The following LRP1B variants were observed in gnomAD, a reference collection of about 807,000 sequenced individuals.
LRP1B encodes low-density lipoprotein receptor-related protein 1B.
A neutral mutation model predicts 556.6 loss-of-function variants in LRP1B; 217 were observed. The observed-to-expected ratio is 0.39, with a 90% confidence interval of 0.35 to 0.44. LRP1B has a LOEUF of 0.44. Ranked by LOEUF, LRP1B falls within the 20% of genes least tolerant of loss-of-function variation. LRP1B has a pLI of 1.00. For missense variants in LRP1B, 5,053 were observed against 5,620.8 expected, an observed-to-expected ratio of 0.90 and a Z score of 3.23; for synonymous variants, 2,047 against 1,865.8, an observed-to-expected ratio of 1.10 and a Z score of -2.50.
Position 140,639,077 on chromosome 2 carries a change from T to G in LRP1B, c.6800-37438A>C, listed in dbSNP as rs79829527. Among the ~76,000 whole-genome samples, 1,309 of 152,234 alleles carry G rather than the reference T, an allele frequency of 8.6e-3. 18 individuals carry two copies. The highest frequency in any genetic ancestry group is 0.029 in the African/African-American group (1,216 of 41,528). ...ATGTCATAAACTCTTTGAAGCGATA[T>G]ATTCTTGAGAGGCATTTTGGTTACA... On this transcript the variant is annotated intron_variant, in intron 41 of 90. Coordinates refer to ENST00000389484, the MANE Select transcript of LRP1B (RefSeq NM_018557.3).
At chr2:141,723,068 T>C (rs1232696557) in intron 2 of LRP1B, among the ~76,000 whole-genome samples, 3 of 150,908 alleles carry the variant, frequency 2.0e-5, no homozygotes, top group Non-Finnish European at 4.5e-5. Context: ...TGTCACAGTA[T>C]TGGTCAGAGA....
intron 17 of LRP1B, among the ~76,000 whole-genome samples, chr2:140,988,182 G>A (rs550579451): frequency 6.6e-6 from 1 of 152,150 alleles, no homozygotes; most frequent in East Asian, 1.9e-4. Context: ...TTTTACCAAT[G>A]ATGTTAAGTT....
chr2:140,509,817 C>A (rs1689575755), intron 52 of LRP1B, 111 bp downstream of exon 52: 1 of 1,453,988 alleles, frequency 6.9e-7, no homozygotes, highest in African/African-American at 1.4e-5. Flanking sequence ...CCTATGGGCC[C>A]AGGAACTAGG....
intron 2 of LRP1B, among the ~76,000 whole-genome samples, chr2:141,650,696 A>G (rs1191362558): frequency 6.6e-6 from 1 of 152,224 alleles, no homozygotes; most frequent in African/African-American, 2.4e-5. Context: ...TGAAGAATAC[A>G]ATGAAGTTGT....
At chr2:140,544,643 G>A (rs1042486447) in intron 43 of LRP1B, among the ~76,000 whole-genome samples, 5 of 152,048 alleles carry the variant, frequency 3.3e-5, no homozygotes, top group African/African-American at 4.8e-5. Context: ...TTTCTACAAA[G>A]GACAAGATCT....
At position 140,578,263 on chromosome 2, in the gene LRP1B, T is replaced by G. The variant is rs1057057165; in HGVS notation, c.7194+20368A>C. On this transcript the variant is annotated intron_variant, in intron 43 of 90. Transcript: ENST00000389484. ...TCTATCAAAGCTAAAACACTTACAG[T>G]TTTTTTTTTCACTTTCGTTCTCATC... Among the ~76,000 whole-genome samples the G allele has an allele frequency of 1.8e-3, 71 of 39,334 alleles. 1 individual carries two copies. Among genetic ancestry groups the G allele is most frequent in the Non-Finnish European group, 3.6e-3 (47 of 13,132 alleles). The allele number at this position is 39,334 out of a possible 152,430, so 25.8% of individuals were successfully genotyped here.
At chr2:141,367,319 T>G (rs567951243) in intron 3 of LRP1B, among the ~76,000 whole-genome samples, 6 of 152,090 alleles carry the variant, frequency 3.9e-5, no homozygotes, top group African/African-American at 1.4e-4. Flanking sequence ...CTATAATTTG[T>G]ATATGCATTA....
intron 86 of LRP1B, among the ~76,000 whole-genome samples, chr2:140,262,139 CA>C (rs1225679396): frequency 4.6e-5 from 7 of 151,964 alleles, no homozygotes; most frequent in Non-Finnish European, 8.8e-5. Flanking sequence ...TACTTGACTA[CA>C]ATGCCGAAAC....
intron 5 of LRP1B, among the ~76,000 whole-genome samples, chr2:141,242,603 T>C (rs1247733220): frequency 6.6e-6 from 1 of 152,046 alleles, no homozygotes; most frequent in African/African-American, 2.4e-5. Context: ...ATCCTGAAGT[T>C]TTTTAATAGG....
At chr2:141,259,022 A>C (rs116464743) in intron 3 of LRP1B, among the ~76,000 whole-genome samples, 1,743 of 152,312 alleles carry the variant, frequency 0.011, 41 homozygotes, top group African/African-American at 0.04. Context: ...AAAAGAGAGT[A>C]TTATTAAACT....
chr2:141,636,747 T>C (rs1437778277), intron 2 of LRP1B, among the ~76,000 whole-genome samples: 2 of 151,730 alleles, frequency 1.3e-5, no homozygotes, highest in African/African-American at 4.8e-5. Context: ...TTTGAGAATG[T>C]TAAAAAGGAA....
intron 83 of LRP1B, among the ~76,000 whole-genome samples, chr2:140,309,771 C>A (rs966461959): frequency 6.6e-6 from 1 of 151,652 alleles, no homozygotes; most frequent in Non-Finnish European, 1.5e-5. Context: ...AAAGAAAGAT[C>A]TATTTCTTTA....
intron 7 of LRP1B, among the ~76,000 whole-genome samples, chr2:141,168,723 G>A (rs531871336): frequency 6.6e-6 from 1 of 152,092 alleles, no homozygotes; most frequent in Non-Finnish European, 1.5e-5. Flanking sequence ...GAGGTTTTCT[G>A]GGTTCAAACC....
At chr2:141,289,567 A>G (rs1685863647) in intron 3 of LRP1B, among the ~76,000 whole-genome samples, 1 of 152,094 alleles carries the variant, frequency 6.6e-6, no homozygotes, top group South Asian at 2.1e-4. Context: ...ATTGAGGCAT[A>G]TATATATTCA....
intron 20 of LRP1B, among the ~76,000 whole-genome samples, chr2:140,934,321 C>T (rs1280499461): frequency 1.3e-5 from 2 of 152,046 alleles, no homozygotes; most frequent in African/African-American, 4.8e-5. Flanking sequence ...AAAATAACAG[C>T]AGTTGTTTTT....
rs1683152391 is a variant in LRP1B at position 140,613,444 on chromosome 2, A to AATATATATATAATTATATACATATAAAT, written c.6800-11806_6800-11805insATTTATATGTATATAATTATATATATAT. Among the ~76,000 whole-genome samples, 4 of 145,376 alleles carry AATATATATATAATTATATACATATAAAT rather than the reference A, an allele frequency of 2.8e-5. No homozygotes were observed. In the South Asian group the frequency reaches 8.4e-4, roughly 31 times the overall value. On this transcript the variant is annotated intron_variant, in intron 41 of 90. Coordinates refer to ENST00000389484, the MANE Select transcript of LRP1B (RefSeq NM_018557.3). ...ATATATATATAATTATATACATATAAATATATATATATCTCCTCCTACTTC... is the reference window on the plus strand; with the variant it reads ...ATATATATATAATTATATACATATAAATATATATATAATTATATACATATAAATATATATATATATCTCCTCCTACTTC...
At chr2:140,728,686 T>C (rs1283152568) in intron 35 of LRP1B, among the ~76,000 whole-genome samples, 1 of 152,178 alleles carries the variant, frequency 6.6e-6, no homozygotes, top group Non-Finnish European at 1.5e-5. Context: ...TGAATTTTTT[T>C]CCATCATCAT....
chr2:141,151,135 T>A (rs1455422321), intron 7 of LRP1B, among the ~76,000 whole-genome samples: 1 of 152,170 alleles, frequency 6.6e-6, no homozygotes, highest in Non-Finnish European at 1.5e-5. Flanking sequence ...TATCCATGCC[T>A]TAAAATAATG....
intron 1 of LRP1B, among the ~76,000 whole-genome samples, chr2:141,887,070 A>G (rs551078363): frequency 3.4e-4 from 52 of 151,074 alleles, no homozygotes; most frequent in Non-Finnish European, 5.7e-4. Context: ...ATCTTGGCTC[A>G]CTGCAACCTC....
Sources: allele counts gnomAD v4.1 joint callset (sites outside exome capture counted in the v4.1 genomes callset), GRCh38; gene constraint gnomAD v4.1.1; transcripts MANE v1.5; gene names NCBI Gene and HGNC (gene_info 2026-07-23, HGNC 2026-07-21).